The following SZT2 variants were observed in gnomAD, a reference collection of about 807,000 sequenced individuals.
The protein encoded by SZT2 is KICSTOR complex protein SZT2.
In SZT2, 216 loss-of-function variants were observed where a neutral mutation model predicts 404.2. The observed-to-expected ratio is 0.53, with a 90% CI of 0.48 to 0.60. The LOEUF is 0.60. Ranked by LOEUF, SZT2 falls within the 20% of genes least tolerant of loss-of-function variation. SZT2 has a pLI of 0.00. For missense variants in SZT2, 3,857 were observed against 4,459.2 expected (o/e 0.86, Z 3.85); for synonymous variants, 1,693 against 1,749.9 (o/e 0.97, Z 0.81).
Position 43,450,629 on chromosome 1 carries a change from G to A in SZT2, c.*149G>A, listed in dbSNP as rs1308066155. Reference sequence around the variant, plus strand: ...AAAGGCTTTGTAACTATGTCTTGAGGGTCTGCTGCCCCAGCCTGGCAGCAG... The same window carrying A: ...AAAGGCTTTGTAACTATGTCTTGAGAGTCTGCTGCCCCAGCCTGGCAGCAG... On this transcript the variant is annotated 3_prime_UTR_variant, in exon 72 of 72. Coordinates refer to ENST00000634258, the MANE Select transcript of SZT2 (RefSeq NM_001365999.1). The surrounding 1 kb of genome is among the most constrained non-coding windows in gnomAD (Gnocchi z 4.3). The A allele has an allele frequency of 1.6e-6, 2 of 1,234,538 alleles. No individual in the cohort carries two copies. The highest frequency in any genetic ancestry group is 2.2e-6 in the Non-Finnish European group (2 of 890,318). 76.5% of individuals were successfully genotyped at this position (1,234,538 alleles called of 1,614,324 possible).
In SZT2 at chr1:43,441,588, T is replaced by C. The variant is rs1655065818; in HGVS notation, c.7596T>C (p.Phe2532=). The C allele has an allele frequency of 3.1e-6, 5 of 1,614,124 alleles. No homozygotes were observed. The highest frequency in any genetic ancestry group is 2.2e-5 in the East Asian group (1 of 44,880). The change falls in exon 54 of 72, where the codon TTT becomes TTC. Residue 2532 remains phenylalanine (F), a synonymous_variant. Transcript: ENST00000634258. This position sits in a 1 kb window ranked among gnomAD's most constrained non-coding sequence, Gnocchi z 4.8. ...FARVAQRWME[F]MVQIGCASVS... is the part of the protein sequence containing the mutation. ...GTGTTGCTCAGCGCTGGATGGAGTT[T>C]ATGGTTCAGATTGGTGAGACCCCAG...
chr1:43,403,527 A>T (rs896287558), intron 2 of SZT2, 74 bp from the exon 3 acceptor site: 2 of 1,530,094 alleles, frequency 1.3e-6, no homozygotes, highest in Non-Finnish European at 1.8e-6. Context: ...GTCATTTGGG[A>T]TATAGAAGGC....
At position 43,420,670 on chromosome 1, in the gene SZT2, T is replaced by G; in HGVS notation, c.1262-79T>G. ...GCAGGACTGGGTTCCATGAGGTAGG[T>G]GGGGGTTTCAGATAGAACTCGATCC... On this transcript the variant is annotated intron_variant, in intron 9 of 71. Coordinates refer to ENST00000634258, the MANE Select transcript of SZT2 (RefSeq NM_001365999.1). This position sits in a 1 kb window ranked among gnomAD's most constrained non-coding sequence, Gnocchi z 5.1. 1 of 1,364,958 alleles carries G rather than the reference T, an allele frequency of 7.3e-7. No individual in the cohort carries two copies. Among genetic ancestry groups the G allele is most frequent in the Non-Finnish European group, 1.0e-6 (1 of 990,882 alleles). The allele number at this position is 1,364,958 out of a possible 1,614,324, so 84.6% of individuals were successfully genotyped here. A position where few individuals can be genotyped will look rare whatever the true frequency, so the allele number is the denominator to read the frequency against.
At position 43,442,570 on chromosome 1, in the gene SZT2, C is replaced by A; in HGVS notation, c.8103C>A (p.Gly2701=). ...TCTGCCTACTCAGCCAGAAGCTTGG[C>A]CTCTTCCATCATTATGGCCAGTTGG... ...LIFCLLSQKL[G]LFHHYGQLDF... is the part of the protein sequence containing the mutation. The change falls in exon 58 of 72, where the codon GGC becomes GGA. Residue 2701 remains glycine, a synonymous_variant. Transcript: ENST00000634258. The surrounding 1 kb of genome is among the most constrained non-coding windows in gnomAD (Gnocchi z 4.5). 1 of 1,613,458 alleles carries A rather than the reference C, an allele frequency of 6.2e-7. No individual in the cohort carries two copies. Among genetic ancestry groups the A allele is most frequent in the Non-Finnish European group, 8.5e-7 (1 of 1,179,684 alleles).
Position 43,422,807 on chromosome 1 carries a change from G to C in SZT2, c.1961G>C (p.Arg654Pro). The C allele has an allele frequency of 6.3e-7, 1 of 1,593,372 alleles. No homozygotes were observed. Among genetic ancestry groups the C allele is most frequent in the Non-Finnish European group, 8.5e-7 (1 of 1,177,714 alleles). The change falls in exon 14 of 72, where the codon CGT becomes CCT. Residue 654 changes from arginine (R) to proline (P), a missense_variant. Physicochemically the swap from Arg to Pro is moderately radical, Grantham distance 103. Transcript: ENST00000634258. ...CCCCCCAATTCCTTCTACATGGTCC[G>C]TATCATTTCCAAGGCCCCATGCATG... Reference protein sequence around the residue: ...DQPPNSFYMVRIISKAPCMVL... With the variant: ...DQPPNSFYMVPIISKAPCMVL...
chr1:43,451,522 G>A lies in SZT2; in HGVS notation c.*1042G>A, dbSNP rs1301450782. ...GGCTGCTGGGCTCCCCTCGGCCTGG[G>A]ACCTGTGCCACCTGCACATGCCCTG... is the stretch of plus-strand genomic sequence containing the variant. On this transcript the variant is annotated 3_prime_UTR_variant, in exon 72 of 72. Coordinates refer to ENST00000634258, the MANE Select transcript of SZT2 (RefSeq NM_001365999.1). The A allele has an allele frequency of 6.2e-7, 1 of 1,614,104 alleles. No homozygotes were observed. The highest frequency in any genetic ancestry group is 1.1e-5 in the South Asian group (1 of 91,082).
Position 43,425,242 on chromosome 1 carries a change from G to C in SZT2, c.2645+35G>C, listed in dbSNP as rs1294731820. On this transcript the variant is annotated intron_variant, in intron 18 of 71. Transcript: ENST00000634258. This position sits in a 1 kb window ranked among gnomAD's most constrained non-coding sequence, Gnocchi z 4.3. ...GCCATCTGTGAGGGCCGCCTCTGCA[G>C]AGTCAGCCTTCTCCCCACCATCCCC... The C allele has an allele frequency of 6.2e-7, 1 of 1,612,008 alleles. No homozygotes were observed. Among genetic ancestry groups the C allele is most frequent in the Non-Finnish European group, 8.5e-7 (1 of 1,178,208 alleles).
chr1:43,451,386 C>T lies in SZT2; in HGVS notation c.*906C>T, dbSNP rs1345514740. 1.9e-5 allele frequency: 31 copies of T among 1,611,904 alleles called. No homozygotes were observed. The highest frequency in any genetic ancestry group is 2.6e-5 in the Non-Finnish European group (31 of 1,180,040). On this transcript the variant is annotated 3_prime_UTR_variant, in exon 72 of 72. Transcript: ENST00000634258. ...CCCCTGTCCGGGTCCCTCCAGAGCT[C>T]CCTTCCCCAGGGCCACGCCTCACCT...
intron 4 of SZT2, chr1:43,406,206 G>C (rs893230148): frequency 7.3e-6 from 2 of 274,524 alleles, no homozygotes; most frequent in South Asian, 5.7e-5. Context: ...TCCTGCCTCA[G>C]CCTTTCAAGT....
At chr1:43,416,140 G>A in intron 6 of SZT2, 39 bp downstream of exon 6, 1 of 1,589,780 alleles carries the variant, frequency 6.3e-7, no homozygotes, top group Non-Finnish European at 8.5e-7. Context: ...GGGAAGCAGG[G>A]ATACAGGAAG....
chr1:43,436,878 T>C (rs963963515), intron 42 of SZT2: 10 of 460,596 alleles, frequency 2.2e-5, no homozygotes, highest in African/African-American at 1.9e-4. Context: ...CAGAATCTCT[T>C]GGCATGATCT....
intron 4 of SZT2, among the ~76,000 whole-genome samples, chr1:43,411,526 C>T (rs1651038739): frequency 1.3e-5 from 2 of 152,206 alleles, no homozygotes; most frequent in Admixed American, 1.3e-4. Flanking sequence ...CCTGAACACC[C>T]TCCTCCCTGG....
intron 1 of SZT2, among the ~76,000 whole-genome samples, chr1:43,394,688 C>G (rs72881972): frequency 0.06 from 9,048 of 151,948 alleles, 798 homozygotes; most frequent in African/African-American, 0.2. Context: ...AGACCAGCCT[C>G]ACCAGCATGG....
chr1:43,450,076 G>A lies in SZT2; in HGVS notation c.10087-27G>A. On this transcript the variant is annotated intron_variant, in intron 70 of 71. Coordinates refer to ENST00000634258, the MANE Select transcript of SZT2 (RefSeq NM_001365999.1). The surrounding 1 kb of genome is among the most constrained non-coding windows in gnomAD (Gnocchi z 4.3). ...CCCTGTGGGAGGGTCTGTAGGGTCT[G>A]TGTCCCCTCCTCATCTTTCACTGCA... is the stretch of plus-strand genomic sequence containing the variant. 1.2e-6 allele frequency: 2 copies of A among 1,613,844 alleles called. No homozygotes were observed. Among genetic ancestry groups the A allele is most frequent in the Non-Finnish European group, 1.7e-6 (2 of 1,179,774 alleles).
chr1:43,405,372 A>T (rs1650179275), intron 4 of SZT2: 1 of 152,086 alleles, frequency 6.6e-6, no homozygotes, highest in South Asian at 2.1e-4. Flanking sequence ...CCACACAGAT[A>T]ATTACAGGGC....
Position 43,397,586 on chromosome 1 carries a change from G to A in SZT2, c.28-5591G>A, listed in dbSNP as rs1282267772. 1.3e-4 allele frequency among the ~76,000 whole-genome samples: 19 copies of A among 151,128 alleles called. No individual in the cohort carries two copies. In the East Asian group the frequency reaches 2.7e-3, roughly 21 times the overall value. The stretch of plus-strand genomic sequence containing the variant: ...TCTGTTGCCCAGGCTGGAGTGCAGT[G>A]GTGCAATCTTGGCTCACTGCAGCCT... On this transcript the variant is annotated intron_variant, in intron 1 of 71. Coordinates refer to ENST00000634258, the MANE Select transcript of SZT2 (RefSeq NM_001365999.1).
intron 1 of SZT2, among the ~76,000 whole-genome samples, chr1:43,402,820 G>T (rs1270357479): frequency 6.6e-6 from 1 of 152,180 alleles, no homozygotes; most frequent in Non-Finnish European, 1.5e-5. Flanking sequence ...ACTTGTCCTG[G>T]TATTTGCTCT....
intron 41 of SZT2, 67 bp from the exon 42 acceptor site, chr1:43,435,133 C>T: frequency 1.3e-6 from 2 of 1,581,974 alleles, no homozygotes; most frequent in Non-Finnish European, 1.7e-6. Context: ...ATTTGATCAC[C>T]CCTGACCACC....
Position 43,424,238 on chromosome 1 carries a change from C to T in SZT2, c.2277C>T (p.Asp759=). ...CTAGGTATGAGAAGCTGCCCTTGGA[C>T]TACCGGGCACCCTTCTTGCTGACAT... ...LLIRYEKLPL[D]YRAPFLLTLE... Residue 759 remains aspartate (D), a synonymous_variant, in exon 16 of 72, where the codon GAC becomes GAT. Transcript: ENST00000634258. The surrounding 1 kb of genome is among the most constrained non-coding windows in gnomAD (Gnocchi z 4.1). The T allele has an allele frequency of 6.3e-7, 1 of 1,597,714 alleles. No individual in the cohort carries two copies. Among genetic ancestry groups the T allele is most frequent in the Non-Finnish European group, 8.5e-7 (1 of 1,179,470 alleles).
Sources: allele counts gnomAD v4.1 joint callset (sites outside exome capture counted in the v4.1 genomes callset), GRCh38; gene constraint gnomAD v4.1.1; non-coding constraint Gnocchi (gnomAD v3.1); transcripts MANE v1.5; gene names NCBI Gene and HGNC (gene_info 2026-07-23, HGNC 2026-07-21).